MGAT4C: variants seen among roughly 807,000 people sequenced by gnomAD.
The protein encoded by MGAT4C is alpha-1,3-mannosyl-glycoprotein 4-beta-N-acetylglucosaminyltransferase C.
MGAT4C carries 19 observed loss-of-function variants against 40.1 expected under a neutral mutation model. The ratio of observed to expected loss-of-function variants is 0.47; its 90% CI spans 0.33 to 0.70. The LOEUF (loss-of-function observed/expected upper bound fraction) is 0.70. Ranked by LOEUF, MGAT4C falls within the 30% of genes least tolerant of loss-of-function variation. MGAT4C has a pLI of 0.02. For missense variants in MGAT4C, 491 were observed against 563.2 expected (o/e 0.87, Z 1.30); for synonymous variants, 181 against 187.1 (o/e 0.97, Z 0.27).
chr12:86,364,429 G>A (rs954716382), intron 3 of MGAT4C, among the ~76,000 whole-genome samples: 1 of 152,028 alleles, frequency 6.6e-6, no homozygotes, highest in African/African-American at 2.4e-5. Flanking sequence ...TAGAGTTTGA[G>A]GTCTTACATT....
chr12:86,210,481 C>T (rs1471417299), intron 1 of MGAT4C, among the ~76,000 whole-genome samples: 1 of 152,232 alleles, frequency 6.6e-6, no homozygotes, highest in Admixed American at 6.5e-5. Context: ...GATATTCACT[C>T]ATAAGCTCAG....
At chr12:86,611,793 G>A (rs1962292529) in intron 2 of MGAT4C, among the ~76,000 whole-genome samples, 1 of 152,064 alleles carries the variant, frequency 6.6e-6, no homozygotes, top group African/African-American at 2.4e-5. Flanking sequence ...TTATGTCACA[G>A]CAGGCAACCT....
intron 2 of MGAT4C, among the ~76,000 whole-genome samples, chr12:86,566,531 CATATAT>C (rs71078910): frequency 7.4e-3 from 294 of 39,770 alleles, no homozygotes; most frequent in Admixed American, 0.012. Context: ...AACTCATATA[CATATAT>C]ATATATATAT....
intron 2 of MGAT4C, among the ~76,000 whole-genome samples, chr12:86,452,197 CTTTTTTTTTT>C (rs1025077737): frequency 6.9e-6 from 1 of 144,520 alleles, no homozygotes. Flanking sequence ...TTTTTTTTTT[CTTTTTTTTTT>C]ATATACTTTT....
intron 1 of MGAT4C, among the ~76,000 whole-genome samples, chr12:86,767,897 C>T (rs1292642424): frequency 2.0e-5 from 3 of 152,120 alleles, no homozygotes; most frequent in Non-Finnish European, 1.5e-5. Flanking sequence ...ATGACAAACC[C>T]ACAGCCAATA....
intron 4 of MGAT4C, among the ~76,000 whole-genome samples, chr12:86,303,404 C>T (rs1320831177): frequency 6.7e-6 from 1 of 150,334 alleles, no homozygotes; most frequent in East Asian, 1.9e-4. Context: ...GCTGCATTGT[C>T]CCTATAGGAA....
At chr12:86,458,217 TA>T (rs767705752) in intron 2 of MGAT4C, among the ~76,000 whole-genome samples, 2 of 152,124 alleles carry the variant, frequency 1.3e-5, no homozygotes, top group African/African-American at 2.4e-5. Flanking sequence ...TTACAGACAA[TA>T]AAACTAAGCC....
intron 2 of MGAT4C, among the ~76,000 whole-genome samples, chr12:86,616,794 G>A (rs1171024687): frequency 6.6e-6 from 1 of 151,582 alleles, no homozygotes; most frequent in Non-Finnish European, 1.5e-5. Context: ...CCCAGAGAGA[G>A]AAAAGTAAAC....
intron 3 of MGAT4C, among the ~76,000 whole-genome samples, chr12:86,354,430 C>A (rs980997667): frequency 6.6e-6 from 1 of 152,018 alleles, no homozygotes; most frequent in Non-Finnish European, 1.5e-5. Flanking sequence ...TTAAAATAAC[C>A]TATGTTAGAA....
intron 2 of MGAT4C, among the ~76,000 whole-genome samples, chr12:86,668,380 C>G (rs1205397859): frequency 1.3e-5 from 2 of 152,128 alleles, no homozygotes; most frequent in African/African-American, 4.8e-5. Context: ...AAGAGAGCAT[C>G]CCCCTGTGAT....
chr12:86,291,765 T>A (rs1213961073), intron 4 of MGAT4C, among the ~76,000 whole-genome samples: 3 of 152,134 alleles, frequency 2.0e-5, no homozygotes, highest in Non-Finnish European at 4.4e-5. Context: ...CCCCAATTAC[T>A]TTTGCACCAA....
intron 4 of MGAT4C, among the ~76,000 whole-genome samples, chr12:86,314,978 C>T (rs760054780): frequency 6.6e-6 from 1 of 150,700 alleles, no homozygotes; most frequent in Non-Finnish European, 1.5e-5. Context: ...TCATTTTTTA[C>T]AGAATTAGAA....
intron 1 of MGAT4C, among the ~76,000 whole-genome samples, chr12:86,789,482 T>C (rs1173237336): frequency 1.3e-5 from 2 of 152,134 alleles, no homozygotes; most frequent in African/African-American, 4.8e-5. Context: ...GTCCCTACCT[T>C]GAATCCCCTT....
Position 86,617,195 on chromosome 12 carries a change from C to T in MGAT4C, c.-229+110014G>A, listed in dbSNP as rs1962479091. On this transcript the variant is annotated intron_variant, in intron 2 of 7. Transcript: ENST00000548651. The stretch of plus-strand genomic sequence containing the variant: ...TAGTCATTTTTTCTCTACAAACTGA[C>T]CTAATCTTGATTAGTTTTGTAATAG... Among the ~76,000 whole-genome samples, 6 of 152,232 alleles carry T rather than the reference C, an allele frequency of 3.9e-5. No homozygotes were observed. In the South Asian group the frequency reaches 1.2e-3, roughly 32 times the overall value.
upstream of MGAT4C, among the ~76,000 whole-genome samples, chr12:86,256,586 G>A (rs888202153): frequency 6.6e-6 from 1 of 152,014 alleles, no homozygotes; most frequent in African/African-American, 2.4e-5. Context: ...GAGCTCCTGG[G>A]GGATCACAAA....
chr12:86,375,181 C>CT (rs1413026304), intron 3 of MGAT4C, among the ~76,000 whole-genome samples: 2 of 151,982 alleles, frequency 1.3e-5, no homozygotes, highest in African/African-American at 4.8e-5. Flanking sequence ...TCTAAGCCTC[C>CT]TTTTTCAAGC....
At chr12:86,505,992 T>A (rs985006312) in intron 2 of MGAT4C, among the ~76,000 whole-genome samples, 1 of 152,150 alleles carries the variant, frequency 6.6e-6, no homozygotes, top group African/African-American at 2.4e-5. Context: ...GTTTGACAAA[T>A]CATTTACTCC....
At chr12:86,605,865 G>T (rs1205453900) in intron 2 of MGAT4C, among the ~76,000 whole-genome samples, 1 of 152,092 alleles carries the variant, frequency 6.6e-6, no homozygotes, top group African/African-American at 2.4e-5. Context: ...AAATGTAGCA[G>T]GCATAGGTAA....
At chr12:86,768,697 C>T (rs923184446) in intron 1 of MGAT4C, among the ~76,000 whole-genome samples, 1 of 151,956 alleles carries the variant, frequency 6.6e-6, no homozygotes, top group African/African-American at 2.4e-5. Flanking sequence ...AGAATAGAGC[C>T]CTCAGAAATA....
Sources: allele counts gnomAD v4.1 joint callset (sites outside exome capture counted in the v4.1 genomes callset), GRCh38; gene constraint gnomAD v4.1.1; transcripts MANE v1.5; gene names NCBI Gene and HGNC (gene_info 2026-07-23, HGNC 2026-07-21).